KLHL1: variants seen among roughly 807,000 people sequenced by gnomAD.
KLHL1 encodes the protein kelch like family member 1, also known as kelch-like protein 1.
A neutral mutation model predicts 77.7 loss-of-function variants in KLHL1; 47 were observed. The ratio of observed to expected loss-of-function variants is 0.60; its 90% CI spans 0.48 to 0.77. The LOEUF is 0.77. Among genes scored for constraint, KLHL1 ranks in the 30% least tolerant of loss-of-function variants. KLHL1 has a pLI of 0.00. For synonymous variants in KLHL1, 360 were observed against 325.2 expected (o/e 1.11, Z -1.15); for missense variants, 925 against 910.8 (o/e 1.02, Z -0.20).
intron 1 of KLHL1, among the ~76,000 whole-genome samples, chr13:69,998,561 C>T (rs139458949): frequency 6.6e-6 from 1 of 152,140 alleles, no homozygotes; most frequent in African/African-American, 2.4e-5. Context: ...AGAAGTAAAT[C>T]ACATGGAAAT....
intron 2 of KLHL1, among the ~76,000 whole-genome samples, 181 bp from the exon 3 acceptor site, chr13:69,961,625 G>A (rs1440181561): frequency 4.6e-5 from 7 of 151,894 alleles, no homozygotes; most frequent in East Asian, 1.9e-4. Flanking sequence ...CTAACTTTTC[G>A]TAATAGAGCA....
chr13:69,875,955 A>AG (rs1330963454), intron 5 of KLHL1, among the ~76,000 whole-genome samples: 1 of 152,114 alleles, frequency 6.6e-6, no homozygotes, highest in Non-Finnish European at 1.5e-5. Flanking sequence ...AGCAAATCAA[A>AG]GGGGGAAAAA....
At chr13:69,863,667 T>C (rs2138158270) in intron 5 of KLHL1, among the ~76,000 whole-genome samples, 1 of 152,142 alleles carries the variant, frequency 6.6e-6, no homozygotes, top group Admixed American at 6.6e-5. Context: ...TATTTCTTTG[T>C]TTCAGTTGTC....
chr13:70,084,647 T>C (rs868347432), intron 1 of KLHL1, among the ~76,000 whole-genome samples: 14 of 115,242 alleles, frequency 1.2e-4, no homozygotes, highest in African/African-American at 4.2e-4. Flanking sequence ...TTTTTTTTTT[T>C]TGAATTTTTA....
intron 6 of KLHL1, among the ~76,000 whole-genome samples, chr13:69,817,307 T>C (rs12428493): frequency 6.6e-6 from 1 of 152,182 alleles, no homozygotes; most frequent in Non-Finnish European, 1.5e-5. Flanking sequence ...TTCCTGATTG[T>C]ATGGCAAAAA....
rs535950815 is a variant in KLHL1, at chr13:69,990,523, A to G, written c.498-14721T>C. On this transcript the variant is annotated intron_variant, in intron 1 of 10. Transcript: ENST00000377844. ...AGAAAAAAGCAGGAGCTGTAATCCT[A>G]ATTTCAAGCACAAAAGACTTTAAAC... 1.5e-4 allele frequency among the ~76,000 whole-genome samples: 23 copies of G among 152,176 alleles called. No homozygotes were observed. In the South Asian group the frequency reaches 2.7e-3, roughly 18 times the overall value.
intron 6 of KLHL1, among the ~76,000 whole-genome samples, chr13:69,815,236 A>G (rs1878070030): frequency 6.6e-6 from 1 of 152,214 alleles, no homozygotes; most frequent in Non-Finnish European, 1.5e-5. Flanking sequence ...TCATTCTACT[A>G]AAACGACACC....
At chr13:70,073,557 T>TA (rs35548126) in intron 1 of KLHL1, among the ~76,000 whole-genome samples, 71,028 of 150,082 alleles carry the variant, frequency 0.47, 17,598 homozygotes, top group East Asian at 0.71. Flanking sequence ...TAAAGTGTAA[T>TA]AAAAAAAAAA....
chr13:70,024,088 G>T (rs1048256600), intron 1 of KLHL1, among the ~76,000 whole-genome samples: 1 of 151,774 alleles, frequency 6.6e-6, no homozygotes, highest in Non-Finnish European at 1.5e-5. Context: ...TGTTTTACGA[G>T]ATCAGAGGAG....
chr13:70,091,105 G>A (rs1887662192), intron 1 of KLHL1, among the ~76,000 whole-genome samples: 1 of 151,820 alleles, frequency 6.6e-6, no homozygotes, highest in Non-Finnish European at 1.5e-5. Context: ...CTTTGATCCT[G>A]AATAGGAGTA....
At chr13:69,742,948 A>G (rs1403879577) in intron 7 of KLHL1, among the ~76,000 whole-genome samples, 1 of 152,204 alleles carries the variant, frequency 6.6e-6, no homozygotes, top group Non-Finnish European at 1.5e-5. Flanking sequence ...GTATAGGTAG[A>G]TATTCACATG....
At chr13:69,782,240 C>A (rs1355320294) in intron 7 of KLHL1, among the ~76,000 whole-genome samples, 1 of 152,228 alleles carries the variant, frequency 6.6e-6, no homozygotes, top group Non-Finnish European at 1.5e-5. Context: ...GTGAGCGACG[C>A]AGAAGATGGG....
rs146831216 is a variant in KLHL1 at position 70,106,982 on chromosome 13, C to G, written c.497+221G>C. Reference sequence around the variant, plus strand: ...ATGTAAGTTCAATTGGTGGCTACAACTTTGAAAACTTCCAAAAAGAAAAGT... The same window carrying G: ...ATGTAAGTTCAATTGGTGGCTACAAGTTTGAAAACTTCCAAAAAGAAAAGT... On this transcript the variant is annotated intron_variant, in intron 1 of 10. Transcript: ENST00000377844. 4.9e-3 allele frequency among the ~76,000 whole-genome samples: 746 copies of G among 152,282 alleles called. 5 individuals are homozygous for G. The highest frequency in any genetic ancestry group is 0.015 in the African/African-American group (631 of 41,550).
At chr13:69,980,444 G>T (rs1181224577) in intron 1 of KLHL1, among the ~76,000 whole-genome samples, 1 of 152,048 alleles carries the variant, frequency 6.6e-6, no homozygotes, top group Non-Finnish European at 1.5e-5. Context: ...ATGATCTGAT[G>T]CTTTCTACAA....
At chr13:69,810,193 A>T (rs1877808203) in intron 6 of KLHL1, among the ~76,000 whole-genome samples, 1 of 152,126 alleles carries the variant, frequency 6.6e-6, no homozygotes, top group African/African-American at 2.4e-5. Flanking sequence ...AATTGGACTT[A>T]ATAAACATTT....
At chr13:69,720,335 A>G (rs1872987258) in intron 8 of KLHL1, among the ~76,000 whole-genome samples, 1 of 152,120 alleles carries the variant, frequency 6.6e-6, no homozygotes, top group Non-Finnish European at 1.5e-5. Flanking sequence ...CATAGTCATG[A>G]TTTTATCACA....
rs1305295354 is a variant in KLHL1, at chr13:69,707,734, A to G, written c.2078T>C (p.Val693Ala). 3.1e-6 allele frequency: 5 copies of G among 1,612,742 alleles called. No individual in the cohort carries two copies. The highest frequency in any genetic ancestry group is 3.3e-4 in the Middle Eastern group (2 of 6,076). ...VAPLSMPRDAVGVCLLGDRLY... is the reference protein window; with the variant it reads ...VAPLSMPRDAAGVCLLGDRLY... ...TCTGTCACCAAGGAGACAGACCCCA[A>G]CAGCATCTCTGGGCATACTCAAAGG... Residue 693 changes from valine to alanine, a missense_variant, in exon 10 of 11, where the codon GTT becomes GCT. Transcript: ENST00000377844.
intron 6 of KLHL1, among the ~76,000 whole-genome samples, chr13:69,824,765 T>G (rs898513890): frequency 6.6e-5 from 10 of 152,090 alleles, no homozygotes; most frequent in African/African-American, 2.2e-4. Context: ...TGAAATTGAC[T>G]GGGAAGGAAT....
chr13:70,042,195 C>T (rs559071303), intron 1 of KLHL1, among the ~76,000 whole-genome samples: 3 of 152,126 alleles, frequency 2.0e-5, no homozygotes, highest in Non-Finnish European at 4.4e-5. Flanking sequence ...TGTCATTGCT[C>T]GGGACTCTCA....
Sources: allele counts gnomAD v4.1 joint callset (sites outside exome capture counted in the v4.1 genomes callset), GRCh38; gene constraint gnomAD v4.1.1; transcripts MANE v1.5; gene names NCBI Gene and HGNC (gene_info 2026-07-23, HGNC 2026-07-21).